The following SLC4A5 variants were observed in gnomAD, a reference collection of about 807,000 sequenced individuals.
SLC4A5 encodes the protein solute carrier family 4 member 5.
SLC4A5 carries 96 observed loss-of-function variants against 120.4 expected under a neutral mutation model. The ratio of observed to expected loss-of-function variants is 0.80; its 90% CI spans 0.68 to 0.94. The LOEUF is 0.94. SLC4A5 is among the 40% of genes least tolerant of loss of function. SLC4A5 has a pLI of 0.00. For missense variants in SLC4A5, 1,259 were observed against 1,459.5 expected (o/e 0.86, Z 2.24); for synonymous variants, 550 against 571.1 (o/e 0.96, Z 0.53).
intron 3 of SLC4A5, among the ~76,000 whole-genome samples, chr2:74,336,956 G>T (rs146182056): frequency 8.5e-5 from 13 of 152,312 alleles, no homozygotes; most frequent in Non-Finnish European, 1.3e-4. Flanking sequence ...TAGGGGAATA[G>T]AAGAGACTTC....
chr2:74,286,705 C>G (rs1026819587), intron 7 of SLC4A5, among the ~76,000 whole-genome samples: 2 of 152,086 alleles, frequency 1.3e-5, no homozygotes, highest in Non-Finnish European at 2.9e-5. Context: ...CATAAGTTGT[C>G]TAAAATAAAC....
At chr2:74,313,564 G>C (rs1167672530) in intron 6 of SLC4A5, among the ~76,000 whole-genome samples, 1 of 152,166 alleles carries the variant, frequency 6.6e-6, no homozygotes, top group Non-Finnish European at 1.5e-5. Flanking sequence ...TTCTCTCCTG[G>C]ATGTAACAGG....
At chr2:74,248,164 C>T (rs1670676767) in intron 18 of SLC4A5, among the ~76,000 whole-genome samples, 189 bp downstream of exon 18, 1 of 152,190 alleles carries the variant, frequency 6.6e-6, no homozygotes, top group African/African-American at 2.4e-5. Flanking sequence ...CCAATATGCA[C>T]TAAGATGTCT....
At chr2:74,247,807 G>T (rs956981900) in intron 18 of SLC4A5, among the ~76,000 whole-genome samples, 5 of 152,028 alleles carry the variant, frequency 3.3e-5, no homozygotes, top group African/African-American at 1.2e-4. Context: ...GAGCCACCAC[G>T]CCCGGCCAAA....
At chr2:74,245,382 G>A (rs1670578477) in intron 19 of SLC4A5, among the ~76,000 whole-genome samples, 1 of 152,190 alleles carries the variant, frequency 6.6e-6, no homozygotes, top group Non-Finnish European at 1.5e-5. Flanking sequence ...TCAAGGATGT[G>A]TGCTTCTAGA....
chr2:74,271,558 A>G lies in SLC4A5; in HGVS notation c.402-6294T>C, dbSNP rs187936214. Among the ~76,000 whole-genome samples the G allele has an allele frequency of 1.2e-4, 19 of 152,192 alleles. No individual in the cohort carries two copies. In the East Asian group the frequency reaches 2.3e-3, roughly 19 times the overall value. ...CTAAATTAATAATTAATTGTAGCCAATCATGTTTTATGATTGTTTTGGTAT... is the reference window on the plus strand; with the variant it reads ...CTAAATTAATAATTAATTGTAGCCAGTCATGTTTTATGATTGTTTTGGTAT... On this transcript the variant is annotated intron_variant, in intron 8 of 30. Coordinates refer to ENST00000394019, the Ensembl canonical transcript of SLC4A5.
chr2:74,332,880 C>A (rs1673396218), intron 4 of SLC4A5, among the ~76,000 whole-genome samples: 1 of 152,144 alleles, frequency 6.6e-6, no homozygotes, highest in Non-Finnish European at 1.5e-5. Flanking sequence ...TATGGCTACC[C>A]CTTTTCTCTC....
At position 74,255,290 on chromosome 2, in the gene SLC4A5, T is replaced by C. The variant is rs928237915; in HGVS notation, c.1025+485A>G. Among the ~76,000 whole-genome samples, 3 of 152,140 alleles carry C rather than the reference T, an allele frequency of 2.0e-5. No individual in the cohort carries two copies. Among genetic ancestry groups the C allele is most frequent in the African/African-American group, 7.2e-5 (3 of 41,422 alleles). On this transcript the variant is annotated intron_variant, in intron 13 of 30. Coordinates refer to ENST00000394019, the Ensembl canonical transcript of SLC4A5. This position sits in a 1 kb window ranked among gnomAD's most constrained non-coding sequence, Gnocchi z 4.0. ...TGTTGCCTCCTTCTCTTTTATTATT[T>C]ATTATTTTTATTTTTTTTCTGAGAC... is the stretch of plus-strand genomic sequence containing the variant.
At chr2:74,314,456 C>T (rs776354591) in intron 6 of SLC4A5, among the ~76,000 whole-genome samples, 4 of 152,142 alleles carry the variant, frequency 2.6e-5, no homozygotes, top group African/African-American at 7.2e-5. Flanking sequence ...GCTGGGGTAA[C>T]GATGGCAGTA....
At chr2:74,333,758 G>A (rs1393712528) in intron 4 of SLC4A5, among the ~76,000 whole-genome samples, 1 of 152,186 alleles carries the variant, frequency 6.6e-6, no homozygotes, top group African/African-American at 2.4e-5. Flanking sequence ...AGTGATGGCT[G>A]CTCACTGGGA....
intron 25 of SLC4A5, among the ~76,000 whole-genome samples, chr2:74,230,510 G>A (rs1482591162): frequency 2.0e-5 from 3 of 152,150 alleles, no homozygotes; most frequent in Non-Finnish European, 2.9e-5. Context: ...CTGAGTAGCC[G>A]GACTACAGGG....
chr2:74,227,148 G>A lies in SLC4A5; in HGVS notation c.2917-18C>T. 1 of 1,590,982 alleles carries A rather than the reference G, an allele frequency of 6.3e-7. No individual in the cohort carries two copies. The highest frequency in any genetic ancestry group is 8.6e-7 in the Non-Finnish European group (1 of 1,168,662). On this transcript the variant is annotated intron_variant, in intron 26 of 30. Coordinates refer to ENST00000394019, the Ensembl canonical transcript of SLC4A5. Reference sequence around the variant, plus strand: ...TCCCAGAACTAGGGGGACAGCGGGGGCTCAGCCAGGCAGCCAGACCCCGAG... The same window carrying A: ...TCCCAGAACTAGGGGGACAGCGGGGACTCAGCCAGGCAGCCAGACCCCGAG...
intron 5 of SLC4A5, among the ~76,000 whole-genome samples, chr2:74,320,140 C>T (rs1282704849): frequency 1.3e-5 from 2 of 151,652 alleles, no homozygotes; most frequent in Non-Finnish European, 2.9e-5. Flanking sequence ...TATGACAAAA[C>T]AAGAAAACCA....
intron 6 of SLC4A5, chr2:74,307,514 G>T: frequency 1.6e-6 from 1 of 616,140 alleles, no homozygotes; most frequent in Non-Finnish European, 3.1e-6. Context: ...CTGTCTCATA[G>T]TTGACTCTAA....
chr2:74,270,824 A>T (rs1671452777), intron 8 of SLC4A5, among the ~76,000 whole-genome samples: 1 of 152,188 alleles, frequency 6.6e-6, no homozygotes, highest in Non-Finnish European at 1.5e-5. Flanking sequence ...TGACTTAGGG[A>T]TAGTTCAACT....
chr2:74,248,453 C>A lies in SLC4A5; in HGVS notation c.1687G>T (p.Ala563Ser), dbSNP rs764994285. 15 of 1,614,096 alleles carry A rather than the reference C, an allele frequency of 9.3e-6. No homozygotes were observed. The Admixed American group carries it at 2.5e-4, about 27-fold the overall frequency. ...GAGAAGAGGCAGAACAAGGAGCCAG[C>A]CATGGCAGTGCCCAGGAAGCTCTCC... Residue 563 changes from alanine (A) to serine (S), a missense_variant, in exon 18 of 31, where the codon GCT (alanine) becomes TCT (serine). Ala to Ser is a moderately conservative substitution (Grantham distance 99). Coordinates refer to ENST00000394019, the Ensembl canonical transcript of SLC4A5.
In SLC4A5 at chr2:74,333,345, G is replaced by A. The variant is rs531529089; in HGVS notation, c.-70+682C>T. On this transcript the variant is annotated intron_variant, in intron 4 of 30. Transcript: ENST00000394019. ...TCAGGCAAAAGGAGCACTCAACATA[G>A]GCCCACCTCACTCGCCAGGGATCTG... Among the ~76,000 whole-genome samples, 16 of 152,252 alleles carry A rather than the reference G, an allele frequency of 1.1e-4. No homozygotes were observed. The East Asian group carries it at 1.2e-3, about 11-fold the overall frequency.
At chr2:74,314,226 T>G (rs1672894730) in intron 6 of SLC4A5, among the ~76,000 whole-genome samples, 1 of 152,032 alleles carries the variant, frequency 6.6e-6, no homozygotes, top group African/African-American at 2.4e-5. Context: ...CTGTGGGGAG[T>G]GGCTTGCCCT....
chr2:74,316,863 A>G (rs529486642), intron 5 of SLC4A5, among the ~76,000 whole-genome samples: 1 of 152,332 alleles, frequency 6.6e-6, no homozygotes, highest in South Asian at 2.1e-4. Context: ...ATCATGAACC[A>G]TGGACTGGTT....
Sources: allele counts gnomAD v4.1 joint callset (sites outside exome capture counted in the v4.1 genomes callset), GRCh38; gene constraint gnomAD v4.1.1; non-coding constraint Gnocchi (gnomAD v3.1); transcripts MANE v1.5; gene names NCBI Gene and HGNC (gene_info 2026-07-23, HGNC 2026-07-21).